CDH19: variants seen among roughly 807,000 people sequenced by gnomAD.
CDH19 encodes cadherin-19.
In CDH19, 67 loss-of-function variants were observed where a neutral mutation model predicts 64.2. The observed-to-expected ratio is 1.04, with a 90% CI of 0.86 to 1.28. The LOEUF (loss-of-function observed/expected upper bound fraction) is 1.28, where lower values mean the gene tolerates loss of function less well. Among genes scored for constraint, CDH19 ranks in the 50% most tolerant of loss-of-function variants. The pLI is 0.00. For synonymous variants in CDH19, 346 were observed against 319.3 expected (o/e 1.08, Z -0.89); for missense variants, 1,030 against 929.0 (o/e 1.11, Z -1.41).
At chr18:66,587,115 TC>T (rs768520558) in intron 1 of CDH19, among the ~76,000 whole-genome samples, 1 of 152,084 alleles carries the variant, frequency 6.6e-6, no homozygotes, top group Non-Finnish European at 1.5e-5. Context: ...TGATATTTCA[TC>T]CCAGCACTCT....
intron 9 of CDH19, among the ~76,000 whole-genome samples, chr18:66,520,041 C>T (rs1424844942): frequency 3.9e-5 from 6 of 152,018 alleles, no homozygotes; most frequent in South Asian, 2.1e-4. Flanking sequence ...AAAAATTAGC[C>T]GGGTGTGGTG....
chr18:66,511,015 C>A (rs1348386586), intron 10 of CDH19, among the ~76,000 whole-genome samples: 1 of 151,596 alleles, frequency 6.6e-6, no homozygotes, highest in Non-Finnish European at 1.5e-5. Flanking sequence ...TAAAGTTAAT[C>A]CACCTCTACA....
intron 8 of CDH19, among the ~76,000 whole-genome samples, chr18:66,531,218 T>C (rs1435198384): frequency 6.6e-6 from 1 of 152,130 alleles, no homozygotes; most frequent in South Asian, 2.1e-4. Flanking sequence ...TCCAGAGTTA[T>C]TTGCATTACA....
chr18:66,573,735 T>G (rs1988179293), intron 1 of CDH19, among the ~76,000 whole-genome samples: 1 of 151,602 alleles, frequency 6.6e-6, no homozygotes, highest in Admixed American at 6.6e-5. Context: ...GGTATTTTGA[T>G]ACATATAAAG....
chr18:66,578,975 A>G (rs1466216047), intron 1 of CDH19, among the ~76,000 whole-genome samples: 1 of 151,930 alleles, frequency 6.6e-6, no homozygotes, highest in African/African-American at 2.4e-5. Flanking sequence ...CTGTGGGAAA[A>G]TGGGGGTGGG....
intron 3 of CDH19, among the ~76,000 whole-genome samples, chr18:66,563,375 A>G (rs1213241917): frequency 3.9e-5 from 6 of 152,078 alleles, no homozygotes; most frequent in Non-Finnish European, 8.8e-5. Flanking sequence ...GTAGATATAA[A>G]TTTAATGGAA....
At chr18:66,530,056 G>A (rs1299236344) in intron 8 of CDH19, 90 bp from the exon 9 acceptor site, 4 of 558,888 alleles carry the variant, frequency 7.2e-6, no homozygotes, top group African/African-American at 4.0e-5. Flanking sequence ...AGGCTACGTG[G>A]TGTATTTTTA....
intron 10 of CDH19, among the ~76,000 whole-genome samples, chr18:66,511,198 C>CTA (rs1555683297): frequency 6.6e-6 from 1 of 151,568 alleles, no homozygotes; most frequent in Non-Finnish European, 1.5e-5. Context: ...GCTAATATGA[C>CTA]TAACTAAAAT....
chr18:66,513,281 G>T (rs1985580570), intron 9 of CDH19, among the ~76,000 whole-genome samples: 1 of 151,456 alleles, frequency 6.6e-6, no homozygotes, highest in Admixed American at 6.6e-5. Flanking sequence ...TATGTCAAAA[G>T]ATTTTTAATA....
chr18:66,513,539 C>T (rs1220915599), intron 9 of CDH19, among the ~76,000 whole-genome samples: 4 of 151,258 alleles, frequency 2.6e-5, no homozygotes, highest in Admixed American at 2.0e-4. Context: ...ACACATACCA[C>T]TAATAAAGGG....
chr18:66,576,463 CATAATT>C (rs1360353892), intron 1 of CDH19, among the ~76,000 whole-genome samples: 1 of 151,266 alleles, frequency 6.6e-6, no homozygotes, highest in Admixed American at 6.6e-5. Flanking sequence ...TTATAAATTT[CATAATT>C]ATAAGTGATA....
chr18:66,546,300 T>C (rs1987115493), intron 5 of CDH19, among the ~76,000 whole-genome samples: 1 of 152,152 alleles, frequency 6.6e-6, no homozygotes, highest in Admixed American at 6.5e-5. Context: ...AGACTGACTA[T>C]ATAGTAGTGC....
intron 2 of CDH19, among the ~76,000 whole-genome samples, chr18:66,569,196 T>C (rs894201500): frequency 6.6e-6 from 1 of 151,656 alleles, no homozygotes; most frequent in African/African-American, 2.4e-5. Flanking sequence ...ATAATGATAA[T>C]CTTGACTGTT....
intron 8 of CDH19, among the ~76,000 whole-genome samples, chr18:66,533,213 T>TACACACACACACACACAC (rs35376051): frequency 1.3e-5 from 2 of 149,056 alleles, no homozygotes; most frequent in African/African-American, 4.9e-5. Context: ...TAGGATTTAT[T>TACACACACACACACACAC]ACACACACAC....
intron 3 of CDH19, among the ~76,000 whole-genome samples, chr18:66,559,207 AT>A (rs1388693137): frequency 4.6e-5 from 7 of 152,114 alleles, no homozygotes; most frequent in Non-Finnish European, 7.4e-5. Context: ...ATATATTTCA[AT>A]TTTTTTATAT....
chr18:66,575,226 G>A lies in CDH19; in HGVS notation c.-112-2910C>T, dbSNP rs118024883. 1.9e-3 allele frequency among the ~76,000 whole-genome samples: 289 copies of A among 151,746 alleles called. 3 individuals carry two copies. The East Asian group carries it at 0.042, about 22-fold the overall frequency. On this transcript the variant is annotated intron_variant, in intron 1 of 11. Coordinates refer to ENST00000262150, the MANE Select transcript of CDH19 (RefSeq NM_021153.4). The stretch of plus-strand genomic sequence containing the variant: ...GTCATTTTTTATGGACTCTGGGGTC[G>A]GGGGAGTGCAAGGGGAGTGTTAAGA...
chr18:66,596,887 C>T (rs2144641059), intron 1 of CDH19, among the ~76,000 whole-genome samples: 2 of 150,526 alleles, frequency 1.3e-5, no homozygotes, highest in South Asian at 2.1e-4. Flanking sequence ...TCGAGACCAT[C>T]CCGGCTAAAA....
At chr18:66,585,601 G>A (rs1449575839) in intron 1 of CDH19, among the ~76,000 whole-genome samples, 2 of 152,014 alleles carry the variant, frequency 1.3e-5, no homozygotes, top group Non-Finnish European at 2.9e-5. Context: ...TTTTTAGTGA[G>A]CTACATGAAA....
chr18:66,533,698 G>T (rs914063046), intron 8 of CDH19, among the ~76,000 whole-genome samples: 11 of 151,910 alleles, frequency 7.2e-5, no homozygotes, highest in Non-Finnish European at 1.5e-4. Flanking sequence ...TTCCAGAAAA[G>T]AGACTAAGCA....
Sources: gnomAD v4.1 joint callset for allele counts (sites outside exome capture counted in the v4.1 genomes callset) on GRCh38, gnomAD v4.1.1 for gene constraint, MANE v1.5 for transcripts, NCBI Gene and HGNC (gene_info 2026-07-23, HGNC 2026-07-21) for gene names.